PDE7B: variants seen among roughly 807,000 people sequenced by gnomAD.
PDE7B encodes the protein 3',5'-cyclic-AMP phosphodiesterase 7B.
In PDE7B, 29 loss-of-function variants were observed where a neutral mutation model predicts 56.2. The ratio of observed to expected loss-of-function variants is 0.52; its 90% CI spans 0.38 to 0.70. The LOEUF (loss-of-function observed/expected upper bound fraction) is 0.70. Among genes scored for constraint, PDE7B ranks in the 30% least tolerant of loss-of-function variants. The probability of loss-of-function intolerance (pLI) is 0.00; values close to 1 mark genes in which losing one functional copy is unlikely to be tolerated. For missense variants in PDE7B, 490 were observed against 565.0 expected (o/e 0.87, Z 1.35); for synonymous variants, 197 against 196.9 (o/e 1.00, Z 0.00).
chr6:136,038,592 G>T (rs1339935669), intron 2 of PDE7B: 2 of 1,194,246 alleles, frequency 1.7e-6, no homozygotes, highest in Admixed American at 5.7e-5. Context: ...CCCTTTCTTT[G>T]TAGAGTCCAA....
chr6:136,001,190 A>G lies in PDE7B; in HGVS notation c.82+53666A>G, dbSNP rs541975297. 1.1e-4 allele frequency among the ~76,000 whole-genome samples: 16 copies of G among 152,270 alleles called. No homozygotes were observed. The East Asian group carries it at 2.7e-3, about 26-fold the overall frequency. On this transcript the variant is annotated intron_variant, in intron 2 of 12. Transcript: ENST00000308191. ...AACAGAAAGGACATCCACACCAAAA[A>G]CCCATCTGTACATCACCATCATCAA...
intron 2 of PDE7B, among the ~76,000 whole-genome samples, chr6:136,054,565 AAAG>A (rs1776695092): frequency 6.6e-6 from 1 of 152,150 alleles, no homozygotes; most frequent in African/African-American, 2.4e-5. Context: ...TATGAACTTT[AAAG>A]TAGTTTTTTC....
chr6:136,130,151 G>A (rs934496140), intron 3 of PDE7B, among the ~76,000 whole-genome samples: 6 of 152,156 alleles, frequency 3.9e-5, no homozygotes, highest in Non-Finnish European at 7.3e-5. Flanking sequence ...CTGGAAGGGT[G>A]TGCAGGACCC....
intron 1 of PDE7B, among the ~76,000 whole-genome samples, chr6:135,936,437 G>C (rs1166803999): frequency 6.6e-6 from 1 of 152,180 alleles, no homozygotes; most frequent in Non-Finnish European, 1.5e-5. Context: ...ACATCGACCA[G>C]ATGGCTGGAG....
At chr6:136,159,618 T>C (rs148411339) in intron 8 of PDE7B, among the ~76,000 whole-genome samples, 76 of 152,278 alleles carry the variant, frequency 5.0e-4, no homozygotes, top group African/African-American at 1.6e-3. Flanking sequence ...AAGGAGACCA[T>C]TGGCTTGTTA....
At chr6:136,030,739 G>A (rs1369658855) in intron 2 of PDE7B, among the ~76,000 whole-genome samples, 3 of 152,224 alleles carry the variant, frequency 2.0e-5, no homozygotes, top group Non-Finnish European at 4.4e-5. Flanking sequence ...TGATGATGGA[G>A]ATCAAAGACT....
Position 136,105,573 on chromosome 6 carries a change from A to G in PDE7B, c.83-3158A>G, listed in dbSNP as rs948674168. Reference sequence around the variant, plus strand: ...ATCCTCAGCACAGTATAAGTATTCAATGAATGTTATCTACCATATTATTTT... The same window carrying G: ...ATCCTCAGCACAGTATAAGTATTCAGTGAATGTTATCTACCATATTATTTT... On this transcript the variant is annotated intron_variant, in intron 2 of 12. Transcript: ENST00000308191. Among the ~76,000 whole-genome samples the G allele has an allele frequency of 8.5e-5, 13 of 152,358 alleles. No homozygotes were observed. The East Asian group carries it at 1.9e-3, about 23-fold the overall frequency.
At chr6:136,160,848 C>T (rs1016390070) in intron 8 of PDE7B, among the ~76,000 whole-genome samples, 2 of 152,142 alleles carry the variant, frequency 1.3e-5, no homozygotes, top group Admixed American at 6.5e-5. Context: ...TCAGCAGATA[C>T]ATACGGAGTG....
chr6:136,177,070 G>C (rs1778989096), intron 9 of PDE7B, among the ~76,000 whole-genome samples: 1 of 128,956 alleles, frequency 7.8e-6, no homozygotes, highest in Non-Finnish European at 1.5e-5. Context: ...TTTAGAATAT[G>C]ATGTAGGGAA....
chr6:135,910,075 T>A (rs1304108715), intron 1 of PDE7B, among the ~76,000 whole-genome samples: 1 of 152,206 alleles, frequency 6.6e-6, no homozygotes, highest in Non-Finnish European at 1.5e-5. Flanking sequence ...GGATATCCAA[T>A]AAGGACACTT....
intron 2 of PDE7B, among the ~76,000 whole-genome samples, chr6:136,092,470 G>C (rs111666987): frequency 0.027 from 4,164 of 152,200 alleles, 186 homozygotes; most frequent in African/African-American, 0.092. Context: ...TTTAAAAACT[G>C]AGAGTGAAGG....
chr6:136,109,644 T>C (rs887061263), intron 3 of PDE7B, among the ~76,000 whole-genome samples: 11 of 152,208 alleles, frequency 7.2e-5, no homozygotes, highest in Admixed American at 5.2e-4. Context: ...GTTCATTGAC[T>C]TCTACCTTCC....
intron 3 of PDE7B, among the ~76,000 whole-genome samples, chr6:136,118,831 A>G (rs903753411): frequency 6.6e-6 from 1 of 152,218 alleles, no homozygotes; most frequent in African/African-American, 2.4e-5. Flanking sequence ...AAATGACTTC[A>G]GTATCATTGA....
chr6:135,940,295 G>A (rs1258052972), intron 1 of PDE7B, among the ~76,000 whole-genome samples: 1 of 152,166 alleles, frequency 6.6e-6, no homozygotes, highest in Non-Finnish European at 1.5e-5. Context: ...GCCTTCTCCA[G>A]TAACCCCAGT....
intron 2 of PDE7B, among the ~76,000 whole-genome samples, chr6:135,985,831 G>A (rs1775367351): frequency 6.6e-6 from 1 of 152,148 alleles, no homozygotes; most frequent in African/African-American, 2.4e-5. Flanking sequence ...CACTTTGATA[G>A]TCCCAACCAG....
At chr6:136,063,078 T>C (rs1776870337) in intron 2 of PDE7B, among the ~76,000 whole-genome samples, 2 of 152,216 alleles carry the variant, frequency 1.3e-5, no homozygotes, top group African/African-American at 4.8e-5. Context: ...TTTGCTAGTA[T>C]AACTTTGATC....
At chr6:136,147,586 A>C in intron 4 of PDE7B, 84 bp downstream of exon 4, 1 of 1,146,856 alleles carries the variant, frequency 8.7e-7, no homozygotes, top group Non-Finnish European at 1.3e-6. Context: ...TTGGAGTCCT[A>C]CTCTGCCTCT....
chr6:135,996,146 AG>A (rs1364496487), intron 2 of PDE7B, among the ~76,000 whole-genome samples: 7 of 152,220 alleles, frequency 4.6e-5, no homozygotes, highest in African/African-American at 1.7e-4. Context: ...AGTGTCAAAT[AG>A]GCAAACCTAA....
chr6:135,996,820 G>A (rs1349232963), intron 2 of PDE7B, among the ~76,000 whole-genome samples: 1 of 152,138 alleles, frequency 6.6e-6, no homozygotes, highest in Non-Finnish European at 1.5e-5. Flanking sequence ...AGGATCCAGG[G>A]TAGATAACAG....
Sources: allele counts gnomAD v4.1 joint callset (sites outside exome capture counted in the v4.1 genomes callset), GRCh38; gene constraint gnomAD v4.1.1; transcripts MANE v1.5; gene names NCBI Gene and HGNC (gene_info 2026-07-23, HGNC 2026-07-21).